The following PTPRT variants were observed in gnomAD, a reference collection of about 807,000 sequenced individuals.
The protein encoded by PTPRT is receptor-type tyrosine-protein phosphatase T.
PTPRT carries 56 observed loss-of-function variants against 176.8 expected under a neutral mutation model. The ratio of observed to expected loss-of-function variants is 0.32; its 90% CI spans 0.26 to 0.40. The LOEUF is 0.40. PTPRT is among the 10% of genes least tolerant of loss of function. The pLI is 1.00. For missense variants in PTPRT, 1,540 were observed against 1,908.2 expected (o/e 0.81, Z 3.60); for synonymous variants, 783 against 739.0 (o/e 1.06, Z -0.96).
chr20:42,032,716 G>T, the PTPRT span, among the ~76,000 whole-genome samples: 1 of 152,028 alleles, frequency 6.6e-6, no homozygotes, highest in Non-Finnish European at 1.5e-5. Context: ...GTTATAAAAG[G>T]CAATGCCTTC....
intron 15 of PTPRT, 131 bp downstream of exon 15, chr20:42,236,098 C>A: frequency 1.4e-6 from 1 of 729,568 alleles, no homozygotes; most frequent in Non-Finnish European, 2.2e-6. Flanking sequence ...AAAATAAAAA[C>A]TTTAAGGCTA....
chr20:43,087,020 T>C (rs2011625205), intron 1 of PTPRT, among the ~76,000 whole-genome samples: 1 of 152,212 alleles, frequency 6.6e-6, no homozygotes, highest in Non-Finnish European at 1.5e-5. Context: ...TATAAAATGT[T>C]CCCATCACTT....
At chr20:42,319,230 C>G (rs576650487) in intron 11 of PTPRT, among the ~76,000 whole-genome samples, 3 of 151,842 alleles carry the variant, frequency 2.0e-5, no homozygotes, top group African/African-American at 7.3e-5. Context: ...AAGTAGAAAC[C>G]CAGACTTTTC....
chr20:42,451,890 C>A (rs1452345057), intron 8 of PTPRT, among the ~76,000 whole-genome samples: 1 of 152,138 alleles, frequency 6.6e-6, no homozygotes, highest in Non-Finnish European at 1.5e-5. Context: ...GAGGGGAATT[C>A]AAACCATAAC....
intron 7 of PTPRT, among the ~76,000 whole-genome samples, chr20:42,559,839 A>T (rs1016961446): frequency 1.3e-5 from 2 of 152,198 alleles, no homozygotes; most frequent in Non-Finnish European, 2.9e-5. Context: ...TGTGCTAGAA[A>T]AATGTTGCAG....
intron 2 of PTPRT, among the ~76,000 whole-genome samples, chr20:42,869,676 G>A (rs1295251873): frequency 6.6e-6 from 1 of 152,190 alleles, no homozygotes; most frequent in Non-Finnish European, 1.5e-5. Flanking sequence ...ACACTTTAAA[G>A]CTGATACAGG....
At chr20:42,943,941 C>T (rs914294164) in intron 1 of PTPRT, among the ~76,000 whole-genome samples, 1 of 152,098 alleles carries the variant, frequency 6.6e-6, no homozygotes, top group Non-Finnish European at 1.5e-5. Flanking sequence ...ATCACTTAAG[C>T]TCAGGAGCTC....
intron 7 of PTPRT, among the ~76,000 whole-genome samples, chr20:42,645,762 TTATGTGTGTGTG>T (rs1299781092): frequency 3.1e-5 from 4 of 127,864 alleles, no homozygotes; most frequent in African/African-American, 1.3e-4. Context: ...GGATGTGTAT[TTATGTGTGTGTG>T]TGTGTGTGTG....
intron 7 of PTPRT, among the ~76,000 whole-genome samples, chr20:42,651,121 A>G (rs2075022652): frequency 6.6e-6 from 1 of 152,158 alleles, no homozygotes. Flanking sequence ...GGTTCTATAA[A>G]CAAAAAGCAT....
intron 13 of PTPRT, among the ~76,000 whole-genome samples, chr20:42,251,703 C>A (rs1260146832): frequency 7.1e-6 from 1 of 140,734 alleles, no homozygotes; most frequent in Non-Finnish European, 1.5e-5. Flanking sequence ...ATGGGGCAAG[C>A]ACCCTGTTGT....
At chr20:42,389,583 C>T (rs779494440) in intron 9 of PTPRT, among the ~76,000 whole-genome samples, 10 of 152,092 alleles carry the variant, frequency 6.6e-5, no homozygotes, top group Non-Finnish European at 1.2e-4. Context: ...GGCATGGTGT[C>T]TCAGGCCTCT....
Position 42,074,702 on chromosome 20 carries a change from G to T in PTPRT, c.*6177C>A, listed in dbSNP as rs1469472429. 7.5e-6 allele frequency: 3 copies of T among 398,316 alleles called. No individual in the cohort carries two copies. The highest frequency in any genetic ancestry group is 1.3e-5 in the Non-Finnish European group (3 of 225,980). 24.7% of individuals were successfully genotyped at this position (398,316 alleles called of 1,614,324 possible). A position where few individuals can be genotyped will look rare whatever the true frequency, so the allele number is the denominator to read the frequency against. On this transcript the variant is annotated 3_prime_UTR_variant, in exon 31 of 31. Transcript: ENST00000373187. ...AGGTTTGGAGGCTACCATTGTGAGT[G>T]TTGATGCCTCCTTTTAGAGACCTAA...
intron 7 of PTPRT, among the ~76,000 whole-genome samples, chr20:42,585,963 C>G (rs1442346234): frequency 6.6e-6 from 1 of 152,064 alleles, no homozygotes; most frequent in Non-Finnish European, 1.5e-5. Context: ...TGTACATGAA[C>G]ACAATCACAC....
At chr20:43,008,932 C>T (rs1984989143) in intron 1 of PTPRT, among the ~76,000 whole-genome samples, 1 of 152,150 alleles carries the variant, frequency 6.6e-6, no homozygotes, top group Admixed American at 6.5e-5. Context: ...CACTCAAGCA[C>T]CTCTCAGGTG....
At chr20:42,389,382 T>C (rs532334124) in intron 9 of PTPRT, among the ~76,000 whole-genome samples, 1 of 152,262 alleles carries the variant, frequency 6.6e-6, no homozygotes, top group South Asian at 2.1e-4. Context: ...ACAGCACACA[T>C]CACATGTTGA....
At chr20:42,750,628 A>G (rs1259848466) in intron 6 of PTPRT, among the ~76,000 whole-genome samples, 1 of 152,204 alleles carries the variant, frequency 6.6e-6, no homozygotes, top group Non-Finnish European at 1.5e-5. Context: ...ACTAATTCTC[A>G]TACTGATGAG....
At chr20:42,906,264 C>A (rs771741861) in intron 1 of PTPRT, among the ~76,000 whole-genome samples, 1 of 152,110 alleles carries the variant, frequency 6.6e-6, no homozygotes, top group African/African-American at 2.4e-5. Context: ...CAGACACCAG[C>A]AGATGCTGGA....
chr20:43,175,321 T>G (rs2015099673), intron 1 of PTPRT, among the ~76,000 whole-genome samples: 1 of 152,244 alleles, frequency 6.6e-6, no homozygotes, highest in Admixed American at 6.5e-5. Flanking sequence ...GATGCAGGGG[T>G]GTTAGGATTC....
chr20:42,041,688 T>A, the PTPRT span, among the ~76,000 whole-genome samples: 1 of 152,324 alleles, frequency 6.6e-6, no homozygotes, highest in African/African-American at 2.4e-5. Context: ...GCGCTCAATG[T>A]TCTCGTATAA....
Sources: allele counts gnomAD v4.1 joint callset (sites outside exome capture counted in the v4.1 genomes callset), GRCh38; gene constraint gnomAD v4.1.1; transcripts MANE v1.5; gene names NCBI Gene and HGNC (gene_info 2026-07-23, HGNC 2026-07-21).